The following CUL3 variants were observed in gnomAD, a reference collection of about 807,000 sequenced individuals.
The protein encoded by CUL3 is cullin-3.
Under a neutral mutation model 89.1 loss-of-function variants are expected in CUL3, and 19 were observed. The ratio of observed to expected loss-of-function variants is 0.21; its 90% CI spans 0.15 to 0.31. The LOEUF (loss-of-function observed/expected upper bound fraction) is 0.31. Ranked by LOEUF, CUL3 falls within the 10% of genes least tolerant of loss-of-function variation. The pLI is 1.00. For missense variants in CUL3, 469 were observed against 942.3 expected (o/e 0.50, Z 6.58); for synonymous variants, 351 against 308.4 (o/e 1.14, Z -1.45).
chr2:224,563,848 C>A (rs1183866777), intron 1 of CUL3, among the ~76,000 whole-genome samples: 2 of 152,092 alleles, frequency 1.3e-5, no homozygotes, highest in Non-Finnish European at 1.5e-5. Flanking sequence ...TTAATACTGT[C>A]CCCAAACCAC....
intron 3 of CUL3, among the ~76,000 whole-genome samples, chr2:224,531,977 G>GA (rs1693711811): frequency 6.6e-6 from 1 of 152,122 alleles, no homozygotes; most frequent in Non-Finnish European, 1.5e-5. Context: ...ACAATAAAGA[G>GA]AAAACTGGAG....
intron 1 of CUL3, among the ~76,000 whole-genome samples, chr2:224,559,131 A>G (rs1370628730): frequency 6.6e-6 from 1 of 152,018 alleles, no homozygotes; most frequent in Non-Finnish European, 1.5e-5. Context: ...CCTCTGGTAG[A>G]TAATTTCCAT....
chr2:224,472,373 C>G lies in CUL3; in HGVS notation c.*1872G>C, dbSNP rs140669610. 7.7e-3 allele frequency: 1,600 copies of G among 209,042 alleles called. 13 individuals are homozygous for G. The highest frequency in any genetic ancestry group is 0.013 in the Non-Finnish European group (1,291 of 102,940). The allele number at this position is 209,042 out of a possible 1,614,324, so 12.9% of individuals were successfully genotyped here. A position where few individuals can be genotyped will look rare whatever the true frequency, so the allele number is the denominator to read the frequency against. ...TTACTAACTCGACAATCTGAGCTGT[C>G]CTGTTTTCCCAGGTGTTAAATATCA... is the stretch of plus-strand genomic sequence containing the variant. On this transcript the variant is annotated 3_prime_UTR_variant, in exon 16 of 16. Coordinates refer to ENST00000264414, the MANE Select transcript of CUL3 (RefSeq NM_003590.5).
intron 3 of CUL3, among the ~76,000 whole-genome samples, chr2:224,529,768 G>A (rs1574661442): frequency 6.6e-6 from 1 of 152,186 alleles, no homozygotes; most frequent in Non-Finnish European, 1.5e-5. Context: ...TCCATCAAGA[G>A]AGATGTAGAG....
chr2:224,503,542 A>T, intron 9 of CUL3, 110 bp downstream of exon 9: 1 of 929,180 alleles, frequency 1.1e-6, no homozygotes, highest in Non-Finnish European at 1.5e-6. Flanking sequence ...CTTTATTTCT[A>T]GAAATAAACA....
At chr2:224,509,725 C>T (rs1692742969) in intron 6 of CUL3, among the ~76,000 whole-genome samples, 2 of 152,354 alleles carry the variant, frequency 1.3e-5, no homozygotes, top group South Asian at 4.1e-4. Flanking sequence ...GTATGCCCAA[C>T]AACCTCTCCA....
chr2:224,512,929 C>T (rs1692891394), intron 5 of CUL3, among the ~76,000 whole-genome samples: 1 of 152,104 alleles, frequency 6.6e-6, no homozygotes, highest in Non-Finnish European at 1.5e-5. Context: ...TTTCTTCCTC[C>T]CCTACCACCT....
At chr2:224,538,237 C>T (rs1375943090) in intron 2 of CUL3, among the ~76,000 whole-genome samples, 2 of 152,074 alleles carry the variant, frequency 1.3e-5, no homozygotes, top group African/African-American at 2.4e-5. Context: ...TCAGATTACT[C>T]TATGAACAAA....
At position 224,557,647 on chromosome 2, in the gene CUL3, A is replaced by C. The variant is rs746111813; in HGVS notation, c.264+12T>G. 1.9e-6 allele frequency: 3 copies of C among 1,575,926 alleles called. No homozygotes were observed. The Admixed American group carries it at 5.0e-5, about 26-fold the overall frequency. ...AATATAGTATTAGCAACAGTCCTTTAAAGTTTGATACCTTATTTATGAGAT... is the reference window on the plus strand; with the variant it reads ...AATATAGTATTAGCAACAGTCCTTTCAAGTTTGATACCTTATTTATGAGAT... On this transcript the variant is annotated intron_variant, in intron 2 of 15. Transcript: ENST00000264414.
At chr2:224,494,474 C>G (rs1574625858) in intron 13 of CUL3, among the ~76,000 whole-genome samples, 1 of 151,946 alleles carries the variant, frequency 6.6e-6, no homozygotes, top group East Asian at 1.9e-4. Flanking sequence ...ATTAGTTACT[C>G]TAATGAAAAA....
chr2:224,538,805 A>G (rs1285651243), intron 2 of CUL3, among the ~76,000 whole-genome samples: 2 of 152,186 alleles, frequency 1.3e-5, no homozygotes, highest in South Asian at 2.1e-4. Flanking sequence ...TTGCAAAGGA[A>G]GAAAGAGAAA....
chr2:224,497,728 A>G (rs1692220506), intron 12 of CUL3, 25 bp downstream of exon 12: 2 of 1,550,816 alleles, frequency 1.3e-6, no homozygotes, highest in Non-Finnish European at 1.8e-6. Context: ...AAGTTACTTA[A>G]TACGTTCAAA....
intron 4 of CUL3, 149 bp downstream of exon 4, chr2:224,514,463 C>T: frequency 1.8e-6 from 1 of 567,540 alleles, no homozygotes; most frequent in Non-Finnish European, 2.9e-6. Flanking sequence ...TTTTGGGTAA[C>T]TGTTAACTCT....
intron 6 of CUL3, 131 bp downstream of exon 6, chr2:224,511,223 T>C (rs1692814078): frequency 1.6e-6 from 1 of 611,598 alleles, no homozygotes; most frequent in Non-Finnish European, 2.8e-6. Flanking sequence ...AAGTTAACAA[T>C]GGAGACAAAT....
chr2:224,573,355 T>C (rs1304659457), intron 1 of CUL3, among the ~76,000 whole-genome samples: 1 of 152,232 alleles, frequency 6.6e-6, no homozygotes, highest in African/African-American at 2.4e-5. Flanking sequence ...ATAGGTCAAC[T>C]AGTAATAATA....
intron 12 of CUL3, 115 bp from the exon 13 acceptor site, chr2:224,496,081 A>G (rs1044301489): frequency 2.6e-6 from 3 of 1,158,270 alleles, no homozygotes; most frequent in African/African-American, 3.1e-5. Context: ...TCCAGGCTAC[A>G]GTGCAGTGGC....
rs556080579 is a variant in CUL3, at chr2:224,511,993, G to T, written c.655-411C>A. Among the ~76,000 whole-genome samples, 4 of 152,266 alleles carry T rather than the reference G, an allele frequency of 2.6e-5. No homozygotes were observed. The South Asian group carries it at 6.2e-4, about 24-fold the overall frequency. On this transcript the variant is annotated intron_variant, in intron 5 of 15. Transcript: ENST00000264414. ...TTATCATAAGCTTTGCTGGCATACT[G>T]CTGGTTAATTAAGTCTTCCAGTGCC...
intron 8 of CUL3, 45 bp downstream of exon 8, chr2:224,505,911 C>T (rs2106202362): frequency 8.0e-7 from 1 of 1,251,210 alleles, no homozygotes; most frequent in Non-Finnish European, 1.1e-6. Context: ...AATTTTATAT[C>T]TTTAAATAAA....
rs200435739 is a variant in CUL3, at chr2:224,495,866, A to G, written c.1808T>C (p.Met603Thr). 6.2e-7 allele frequency: 1 copy of G among 1,611,256 alleles called. No individual in the cohort carries two copies. Among genetic ancestry groups the G allele is most frequent in the Admixed American group, 1.7e-5 (1 of 60,018 alleles). ...QVSTFQMTIL[M>T]LFNNREKYTF... is the part of the protein sequence containing the mutation. Reference sequence around the variant, plus strand: ...GTATTTTTCTCTATTATTAAAGAGCATTAATATGGTCATCTGGAAAGTGGA... The same window carrying G: ...GTATTTTTCTCTATTATTAAAGAGCGTTAATATGGTCATCTGGAAAGTGGA... Residue 603 changes from methionine (M) to threonine (T), a missense_variant, in exon 13 of 16, where the codon ATG becomes ACG. Met to Thr is a moderately conservative substitution (Grantham distance 81). Transcript: ENST00000264414.
Sources: gnomAD v4.1 joint callset for allele counts (sites outside exome capture counted in the v4.1 genomes callset) on GRCh38, gnomAD v4.1.1 for gene constraint, MANE v1.5 for transcripts, NCBI Gene and HGNC (gene_info 2026-07-23, HGNC 2026-07-21) for gene names.